The following DCAF8 variants were observed in gnomAD, a reference collection of about 807,000 sequenced individuals.
DCAF8 encodes the protein DDB1 and CUL4 associated factor 8.
Under a neutral mutation model 68.0 loss-of-function variants are expected in DCAF8, and 20 were observed. That is an observed-to-expected ratio of 0.29 (90% CI 0.21 to 0.43). The LOEUF is 0.43. Among genes scored for constraint, DCAF8 ranks in the 20% least tolerant of loss-of-function variants. The pLI, the probability that DCAF8 is intolerant of heterozygous loss-of-function variation, is 1.00. For missense variants in DCAF8, 460 were observed against 771.0 expected (o/e 0.60, Z 4.78); for synonymous variants, 230 against 276.9 (o/e 0.83, Z 1.68).
intron 6 of DCAF8, among the ~76,000 whole-genome samples, chr1:160,232,713 G>T (rs1335155893): frequency 1.3e-5 from 2 of 152,140 alleles, no homozygotes; most frequent in Non-Finnish European, 2.9e-5. Flanking sequence ...AGCTGCTCAG[G>T]AGGCTGAGGT....
chr1:160,260,897 G>GA (rs1245085794), intron 2 of DCAF8, among the ~76,000 whole-genome samples: 2 of 152,080 alleles, frequency 1.3e-5, no homozygotes, highest in Non-Finnish European at 2.9e-5. Flanking sequence ...TGTGAGAGGG[G>GA]AAGAGACCTG....
Position 160,260,715 on chromosome 1 carries a change from A to AT in DCAF8, c.-27+569dup, listed in dbSNP as rs33929285. 3.0e-3 allele frequency among the ~76,000 whole-genome samples: 416 copies of AT among 140,512 alleles called. 6 individuals are homozygous for AT. The East Asian group carries it at 0.035, about 12-fold the overall frequency. 92.2% of individuals were successfully genotyped at this position (140,512 alleles called of 152,430 possible). A position where few individuals can be genotyped will look rare whatever the true frequency, so the allele number is the denominator to read the frequency against. On this transcript the variant is annotated intron_variant, in intron 2 of 13. Transcript: ENST00000368074. The stretch of plus-strand genomic sequence containing the variant: ...AGCTACAAAAGAAAGAGCAGCCACT[A>AT]TTTTTTTTTTTTTTTTACAAAAAAT...
At chr1:160,260,831 T>C (rs920891143) in intron 2 of DCAF8, among the ~76,000 whole-genome samples, 4 of 152,070 alleles carry the variant, frequency 2.6e-5, no homozygotes, top group African/African-American at 9.7e-5. Context: ...CCCCAGCTTT[T>C]AGTCACAAGC....
chr1:160,240,429 C>T (rs1656066457), intron 3 of DCAF8, 59 bp from the exon 4 acceptor site: 1 of 1,467,220 alleles, frequency 6.8e-7, no homozygotes, highest in African/African-American at 1.4e-5. Flanking sequence ...AGGATAGTGA[C>T]CACCTTAGTC....
chr1:160,224,378 A>AAG, intron 10 of DCAF8, 64 bp downstream of exon 10: 1 of 1,208,098 alleles, frequency 8.3e-7, no homozygotes, highest in Middle Eastern at 1.9e-4. Context: ...TAACCTGAGT[A>AAG]AGACACTGTG....
At chr1:160,246,071 G>A (rs1656313207) in intron 2 of DCAF8, among the ~76,000 whole-genome samples, 1 of 152,078 alleles carries the variant, frequency 6.6e-6, no homozygotes, top group Non-Finnish European at 1.5e-5. Flanking sequence ...CTGGGAGGCG[G>A]AGGTTGTGGT....
Position 160,259,175 on chromosome 1 carries a change from C to A in DCAF8, c.-27+2110G>T, listed in dbSNP as rs1372989788. ...CAAAAAGATACGAAAGAAAAGCCAACAAAAGGTTTAAAACTCTTCATCTGT... is the reference window on the plus strand; with the variant it reads ...CAAAAAGATACGAAAGAAAAGCCAAAAAAAGGTTTAAAACTCTTCATCTGT... On this transcript the variant is annotated intron_variant, in intron 2 of 13. Coordinates refer to ENST00000368074, the MANE Select transcript of DCAF8 (RefSeq NM_015726.4). 1.3e-5 allele frequency among the ~76,000 whole-genome samples: 2 copies of A among 152,174 alleles called. 1 individual carries two copies. The highest frequency in any genetic ancestry group is 4.1e-4 in the South Asian group (2 of 4,828).
chr1:160,225,490 A>T (rs1655443182), intron 8 of DCAF8, 101 bp downstream of exon 8: 1 of 898,476 alleles, frequency 1.1e-6, no homozygotes, highest in South Asian at 1.6e-5. Flanking sequence ...CAGATGACTG[A>T]CTTGAAAGTC....
At chr1:160,246,482 A>G (rs16831691) in intron 2 of DCAF8, among the ~76,000 whole-genome samples, 2,412 of 152,266 alleles carry the variant, frequency 0.016, 63 homozygotes, top group African/African-American at 0.049. Context: ...TTATGAACCT[A>G]TATGAGTGAA....
At chr1:160,241,569 A>T (rs187565517) in intron 3 of DCAF8, among the ~76,000 whole-genome samples, 126 of 152,346 alleles carry the variant, frequency 8.3e-4, no homozygotes, top group Non-Finnish European at 1.5e-3. Context: ...AGTCAATTCC[A>T]ATGAGAACTT....
intron 2 of DCAF8, among the ~76,000 whole-genome samples, chr1:160,258,655 T>C (rs1571118464): frequency 6.6e-6 from 1 of 151,526 alleles, no homozygotes; most frequent in South Asian, 2.1e-4. Flanking sequence ...TATGGTGATA[T>C]GCCCCTGCGG....
intron 2 of DCAF8, among the ~76,000 whole-genome samples, chr1:160,249,743 A>G (rs1322667593): frequency 6.6e-6 from 1 of 152,222 alleles, no homozygotes; most frequent in Admixed American, 6.5e-5. Flanking sequence ...CTGGAAACAA[A>G]TTTTCTTCAG....
intron 2 of DCAF8, among the ~76,000 whole-genome samples, chr1:160,245,171 C>A (rs147558082): frequency 6.6e-6 from 1 of 152,204 alleles, no homozygotes; most frequent in African/African-American, 2.4e-5. Flanking sequence ...CTTTCCTTAA[C>A]AAGGAATCAG....
chr1:160,237,286 T>C (rs1346046089), intron 5 of DCAF8, 57 bp from the exon 6 acceptor site: 2 of 1,232,360 alleles, frequency 1.6e-6, no homozygotes, highest in Non-Finnish European at 2.3e-6. Flanking sequence ...AGAGGTCATC[T>C]AGTTCATTCC....
chr1:160,257,076 T>A (rs1242364429), intron 2 of DCAF8, among the ~76,000 whole-genome samples: 1 of 152,188 alleles, frequency 6.6e-6, no homozygotes, highest in South Asian at 2.1e-4. Context: ...CTTGGCTACA[T>A]TTGTAAAAAT....
intron 2 of DCAF8, among the ~76,000 whole-genome samples, chr1:160,260,099 CA>C (rs1443016254): frequency 1.3e-5 from 2 of 150,326 alleles, no homozygotes; most frequent in Non-Finnish European, 3.0e-5. Context: ...AAAAAAAAAC[CA>C]AAAAACAACA....
chr1:160,249,595 C>A (rs1656498006), intron 2 of DCAF8, among the ~76,000 whole-genome samples: 1 of 151,996 alleles, frequency 6.6e-6, no homozygotes, highest in African/African-American at 2.4e-5. Context: ...GAATTAAAGA[C>A]CAGCCTGAGT....
At chr1:160,242,269 T>C (rs1457021607) in intron 3 of DCAF8, among the ~76,000 whole-genome samples, 1 of 145,856 alleles carries the variant, frequency 6.9e-6, no homozygotes, top group Non-Finnish European at 1.5e-5. Flanking sequence ...AAGCCTCAAC[T>C]AAGAGCACAG....
intron 2 of DCAF8, among the ~76,000 whole-genome samples, chr1:160,245,351 A>G (rs1038494880): frequency 6.6e-6 from 1 of 152,256 alleles, no homozygotes; most frequent in African/African-American, 2.4e-5. Flanking sequence ...AAGACAAAGT[A>G]TAATTATGAC....
Sources: allele counts gnomAD v4.1 joint callset (sites outside exome capture counted in the v4.1 genomes callset), GRCh38; gene constraint gnomAD v4.1.1; transcripts MANE v1.5; gene names NCBI Gene and HGNC (gene_info 2026-07-23, HGNC 2026-07-21).